AHRR: variants seen among roughly 807,000 people sequenced by gnomAD.
AHRR encodes ahR repressor.
A neutral mutation model predicts 44.0 loss-of-function variants in AHRR; 28 were observed. The observed-to-expected ratio is 0.64, with a 90% CI of 0.47 to 0.87. AHRR has a LOEUF of 0.87. Among genes scored for constraint, AHRR ranks in the 40% least tolerant of loss-of-function variants. AHRR has a pLI of 0.00. For missense variants in AHRR, 990 were observed against 953.9 expected (o/e 1.04, Z -0.50); for synonymous variants, 434 against 407.0 (o/e 1.07, Z -0.80).
At chr5:402,467 T>C (rs1371987581) in intron 4 of AHRR, among the ~76,000 whole-genome samples, 201 of 116,846 alleles carry the variant, frequency 1.7e-3, no homozygotes, top group African/African-American at 6.4e-3. Context: ...AGGCAGTCGT[T>C]GTTGAGGGTG....
Position 412,715 on chromosome 5 carries a change from C to CTTTT in AHRR, c.352-611_352-608dup, listed in dbSNP as rs11285209. 7.8e-4 allele frequency among the ~76,000 whole-genome samples: 76 copies of CTTTT among 96,952 alleles called. 1 individual carries two copies. The highest frequency in any genetic ancestry group is 2.4e-3 in the African/African-American group (64 of 26,682). The allele number at this position is 96,952 out of a possible 152,430, so 63.6% of individuals were successfully genotyped here. On this transcript the variant is annotated intron_variant, in intron 4 of 10. Coordinates refer to ENST00000684583, the MANE Select transcript of AHRR (RefSeq NM_001377236.1). Reference sequence around the variant, plus strand: ...GAGTTCAACATTTTTCTCTCTCTCTCTTTTTTTTTTTTTTTTTTTTTCTGA... The same window carrying CTTTT: ...GAGTTCAACATTTTTCTCTCTCTCTCTTTTTTTTTTTTTTTTTTTTTTTTTCTGA...
At chr5:376,055 C>CGTGGG (rs1733609886) in intron 3 of AHRR, among the ~76,000 whole-genome samples, 1 of 150,948 alleles carries the variant, frequency 6.6e-6, no homozygotes, top group Admixed American at 6.7e-5. Flanking sequence ...GCCTGGCCTG[C>CGTGGG]TTCTCACTAG....
At position 348,971 on chromosome 5, in the gene AHRR, G is replaced by A. The variant is rs77164927; in HGVS notation, c.63-4759G>A. On this transcript the variant is annotated intron_variant, in intron 2 of 10. Coordinates refer to ENST00000684583, the MANE Select transcript of AHRR (RefSeq NM_001377236.1). ...ATCCCAGTTTCTCTGCATCCCCGCC[G>A]GTGCGTGGTGTGCTCAGCCTTCTTG... is the stretch of plus-strand genomic sequence containing the variant. Among the ~76,000 whole-genome samples, 37 of 152,296 alleles carry A rather than the reference G, an allele frequency of 2.4e-4. No homozygotes were observed. The South Asian group carries it at 4.8e-3, about 20-fold the overall frequency.
intron 1 of AHRR, among the ~76,000 whole-genome samples, chr5:343,161 C>T (rs569608383): frequency 6.6e-6 from 1 of 152,190 alleles, no homozygotes; most frequent in Admixed American, 6.5e-5. Flanking sequence ...GATCATGTGG[C>T]CCCGTGTGTC....
At chr5:433,430 G>A (rs1579717805) in intron 10 of AHRR, among the ~76,000 whole-genome samples, 1 of 152,208 alleles carries the variant, frequency 6.6e-6, no homozygotes, top group Non-Finnish European at 1.5e-5. Flanking sequence ...CCCAAGGCAC[G>A]TGGTGTCCTG....
intron 3 of AHRR, among the ~76,000 whole-genome samples, chr5:355,328 G>A (rs776774531): frequency 2.0e-5 from 3 of 152,034 alleles, no homozygotes; most frequent in Non-Finnish European, 4.4e-5. Context: ...ATGGAATTGA[G>A]GGCAGGCTCC....
chr5:426,549 AGATG>A (rs1402409117), intron 7 of AHRR, among the ~76,000 whole-genome samples: 5 of 150,194 alleles, frequency 3.3e-5, no homozygotes, highest in Non-Finnish European at 7.4e-5. Flanking sequence ...ATAGATGGAC[AGATG>A]GATGGATGAA....
chr5:386,616 G>A (rs972871040), intron 4 of AHRR, among the ~76,000 whole-genome samples: 6 of 152,254 alleles, frequency 3.9e-5, no homozygotes, highest in African/African-American at 1.4e-4. Flanking sequence ...TGCAGATTCT[G>A]GAGCACAGCC....
chr5:427,983 C>A lies in AHRR; in HGVS notation c.885C>A (p.Asp295Glu). 1 of 1,613,934 alleles carries A rather than the reference C, an allele frequency of 6.2e-7. No individual in the cohort carries two copies. Among genetic ancestry groups the A allele is most frequent in the Non-Finnish European group, 8.5e-7 (1 of 1,180,020 alleles). ...SALLRAKPRADTAATADAKVK... is the reference protein window; with the variant it reads ...SALLRAKPRAETAATADAKVK... Reference sequence around the variant, plus strand: ...TCCTGAGGGCAAAACCCAGAGCAGACACCGCAGCCACCGCGGATGCAAAGT... The same window carrying A: ...TCCTGAGGGCAAAACCCAGAGCAGAAACCGCAGCCACCGCGGATGCAAAGT... Residue 295 changes from aspartate to glutamate, a missense_variant, in exon 8 of 11, where the codon GAC becomes GAA. Asp to Glu is a conservative substitution (Grantham distance 45, BLOSUM62 2). Coordinates refer to ENST00000684583, the MANE Select transcript of AHRR (RefSeq NM_001377236.1).
chr5:366,008 T>C (rs1743348826), intron 3 of AHRR, among the ~76,000 whole-genome samples: 1 of 152,034 alleles, frequency 6.6e-6, no homozygotes, highest in African/African-American at 2.4e-5. Context: ...TGGTTTTCAA[T>C]ATATAAAGAG....
At chr5:400,583 G>A (rs1253820308) in intron 4 of AHRR, among the ~76,000 whole-genome samples, 1 of 152,152 alleles carries the variant, frequency 6.6e-6, no homozygotes, top group Non-Finnish European at 1.5e-5. Context: ...ACTTTTGTAG[G>A]ATTAGAAAGG....
intron 10 of AHRR, among the ~76,000 whole-genome samples, chr5:433,302 C>T (rs1736826588): frequency 1.3e-5 from 2 of 152,146 alleles, no homozygotes; most frequent in African/African-American, 4.8e-5. Context: ...CCCTCTCCCT[C>T]CCCAGGGCCT....
chr5:389,812 G>A (rs1001847356), intron 4 of AHRR, among the ~76,000 whole-genome samples: 8 of 151,198 alleles, frequency 5.3e-5, no homozygotes, highest in African/African-American at 1.9e-4. Context: ...CACCGTGAAA[G>A]ACAGGAGTGA....
At chr5:330,060 G>A (rs943418416) in intron 1 of AHRR, among the ~76,000 whole-genome samples, 1 of 152,146 alleles carries the variant, frequency 6.6e-6, no homozygotes, top group African/African-American at 2.4e-5. Context: ...TAGGGGAAAT[G>A]CTTTCAACTT....
intron 3 of AHRR, among the ~76,000 whole-genome samples, chr5:368,973 C>T (rs1194805402): frequency 6.6e-6 from 1 of 152,056 alleles, no homozygotes; most frequent in Admixed American, 6.6e-5. Context: ...GGGTGCCCCC[C>T]GTTTTGTAAA....
At chr5:413,017 C>T (rs932507594) in intron 4 of AHRR, among the ~76,000 whole-genome samples, 2 of 151,988 alleles carry the variant, frequency 1.3e-5, no homozygotes, top group African/African-American at 4.8e-5. Context: ...GGAGGAGGTA[C>T]GTGGGCAGAA....
At chr5:430,833 A>G (rs1448540682) in intron 8 of AHRR, among the ~76,000 whole-genome samples, 4 of 152,230 alleles carry the variant, frequency 2.6e-5, no homozygotes, top group African/African-American at 4.8e-5. Context: ...TGAGGCCCAC[A>G]CATCTCTGGA....
chr5:396,068 C>T (rs1008994450), intron 4 of AHRR, among the ~76,000 whole-genome samples: 4 of 152,152 alleles, frequency 2.6e-5, no homozygotes, highest in East Asian at 1.9e-4. Context: ...GAAACGAGCC[C>T]GGGAGGGTAA....
At chr5:332,597 G>C (rs1313068884) in intron 1 of AHRR, among the ~76,000 whole-genome samples, 2 of 152,136 alleles carry the variant, frequency 1.3e-5, no homozygotes, top group Non-Finnish European at 2.9e-5. Flanking sequence ...TATATGGTCT[G>C]TCTTGGAGAA....
Sources: gnomAD v4.1 joint callset for allele counts (sites outside exome capture counted in the v4.1 genomes callset) on GRCh38, gnomAD v4.1.1 for gene constraint, MANE v1.5 for transcripts, NCBI Gene and HGNC (gene_info 2026-07-23, HGNC 2026-07-21) for gene names.